The following SORCS2 variants were observed in gnomAD, a reference collection of about 807,000 sequenced individuals.
The protein encoded by SORCS2 is VPS10 domain-containing receptor SorCS2.
A neutral mutation model predicts 141.6 loss-of-function variants in SORCS2; 100 were observed. That is an observed-to-expected ratio of 0.71 (90% CI 0.60 to 0.83). The LOEUF is 0.83. Among genes scored for constraint, SORCS2 ranks in the 40% least tolerant of loss-of-function variants. The probability of loss-of-function intolerance (pLI) is 0.00; values close to 1 mark genes in which losing one functional copy is unlikely to be tolerated. For missense variants in SORCS2, 1,646 were observed against 1,560.2 expected (o/e 1.05, Z -0.93); for synonymous variants, 789 against 676.9 (o/e 1.17, Z -2.57).
intron 1 of SORCS2, among the ~76,000 whole-genome samples, chr4:7,334,518 G>A (rs992087181): frequency 6.6e-6 from 1 of 152,218 alleles, no homozygotes; most frequent in African/African-American, 2.4e-5. Flanking sequence ...CACCTGGGGG[G>A]TGCTCAGTGA....
At chr4:7,544,948 C>G (rs992342458) in intron 3 of SORCS2, among the ~76,000 whole-genome samples, 2 of 152,206 alleles carry the variant, frequency 1.3e-5, no homozygotes, top group South Asian at 4.1e-4. Context: ...CCATCCCTTC[C>G]AATCAGCGAT....
At chr4:7,317,886 A>G (rs1382351522) in intron 1 of SORCS2, among the ~76,000 whole-genome samples, 1 of 152,118 alleles carries the variant, frequency 6.6e-6, no homozygotes, top group Non-Finnish European at 1.5e-5. Flanking sequence ...AGGCCCATTG[A>G]ACGCTGAGCA....
At chr4:7,417,949 A>G (rs974449208) in intron 2 of SORCS2, among the ~76,000 whole-genome samples, 4 of 152,178 alleles carry the variant, frequency 2.6e-5, no homozygotes, top group African/African-American at 7.2e-5. Flanking sequence ...GAGCCAGCAG[A>G]AGGCTAGAGG....
intron 3 of SORCS2, 79 bp downstream of exon 3, chr4:7,531,708 C>T (rs1577705966): frequency 1.4e-6 from 2 of 1,400,160 alleles, no homozygotes; most frequent in East Asian, 2.4e-5. Flanking sequence ...AAGCTGCTGC[C>T]CTGCCCTGCT....
intron 1 of SORCS2, among the ~76,000 whole-genome samples, chr4:7,339,125 A>G (rs554445386): frequency 2.0e-5 from 3 of 152,284 alleles, no homozygotes; most frequent in African/African-American, 7.2e-5. Context: ...GTGGCCCGTG[A>G]GGGTGGGGAC....
intron 3 of SORCS2, among the ~76,000 whole-genome samples, chr4:7,562,008 C>T (rs774559847): frequency 1.1e-4 from 16 of 152,354 alleles, no homozygotes; most frequent in East Asian, 3.9e-4. Context: ...TTCTAGAGGA[C>T]GTACTTGATC....
In SORCS2 at chr4:7,725,143, G is replaced by A; in HGVS notation, c.2612-11G>A. On this transcript the variant is annotated splice_polypyrimidine_tract_variant and intron_variant, in intron 19 of 26. Transcript: ENST00000507866. ...ATATCATCTAACCCTGGCCTTTTTG[G>A]GTCCCCACAGCCCCCCTGCAGGCCC... 6.2e-7 allele frequency: 1 copy of A among 1,610,308 alleles called. No individual in the cohort carries two copies. Among genetic ancestry groups the A allele is most frequent in the Non-Finnish European group, 8.5e-7 (1 of 1,178,346 alleles).
chr4:7,679,117 C>T (rs1299598611), intron 9 of SORCS2, among the ~76,000 whole-genome samples: 1 of 108,002 alleles, frequency 9.3e-6, no homozygotes, highest in Non-Finnish European at 2.0e-5. Context: ...GTGCACCCAG[C>T]AGCACATCCA....
intron 11 of SORCS2, among the ~76,000 whole-genome samples, chr4:7,693,267 T>C (rs767696790): frequency 5.3e-5 from 8 of 152,240 alleles, no homozygotes; most frequent in African/African-American, 1.4e-4. Context: ...CACTGAGTTA[T>C]ACCCTGTGAG....
At chr4:7,314,148 T>C (rs1201470148) in intron 1 of SORCS2, among the ~76,000 whole-genome samples, 2 of 151,992 alleles carry the variant, frequency 1.3e-5, no homozygotes, top group African/African-American at 4.8e-5. Context: ...CTCTGTGCCG[T>C]GCGGTGAGGG....
chr4:7,550,441 G>A (rs1377614358), intron 3 of SORCS2, among the ~76,000 whole-genome samples: 3 of 152,230 alleles, frequency 2.0e-5, no homozygotes, highest in African/African-American at 4.8e-5. Flanking sequence ...ACTGCTTTGT[G>A]TGGTGGGCAG....
In SORCS2 at chr4:7,308,638, C is replaced by G. The variant is rs538080511; in HGVS notation, c.481-87650C>G. Reference sequence around the variant, plus strand: ...ACCTCAGGGCAGTTCCTAAAGGTGCCCACTGGCCACCCACAGCTCCTTGCC... The same window carrying G: ...ACCTCAGGGCAGTTCCTAAAGGTGCGCACTGGCCACCCACAGCTCCTTGCC... On this transcript the variant is annotated intron_variant, in intron 1 of 26. Transcript: ENST00000507866. 1.2e-3 allele frequency among the ~76,000 whole-genome samples: 188 copies of G among 152,202 alleles called. 3 individuals are homozygous for G. Among genetic ancestry groups the G allele is most frequent in the Non-Finnish European group, 4.1e-4 (28 of 68,004 alleles).
intron 1 of SORCS2, among the ~76,000 whole-genome samples, chr4:7,307,924 G>A (rs560992354): frequency 2.7e-4 from 41 of 152,204 alleles, no homozygotes; most frequent in Non-Finnish European, 5.0e-4. Context: ...GTGTGCATGA[G>A]TGTGCATGCA....
chr4:7,722,710 A>T (rs1159409368), intron 18 of SORCS2, among the ~76,000 whole-genome samples: 5 of 152,236 alleles, frequency 3.3e-5, no homozygotes, highest in Non-Finnish European at 5.9e-5. Context: ...TTTCCAAATG[A>T]GGTCACATTC....
intron 12 of SORCS2, among the ~76,000 whole-genome samples, chr4:7,698,009 C>T (rs578193183): frequency 2.0e-4 from 30 of 152,056 alleles, no homozygotes; most frequent in Non-Finnish European, 3.4e-4. Flanking sequence ...GTGGAGAAAG[C>T]GAGGCTGAGG....
chr4:7,342,782 A>G (rs559510735), intron 1 of SORCS2, among the ~76,000 whole-genome samples: 31 of 152,332 alleles, frequency 2.0e-4, no homozygotes, highest in African/African-American at 7.2e-4. Flanking sequence ...GGCCGCTGGC[A>G]TGGGCGGTAA....
At chr4:7,582,046 A>T (rs953204152) in intron 3 of SORCS2, among the ~76,000 whole-genome samples, 1 of 152,234 alleles carries the variant, frequency 6.6e-6, no homozygotes, top group African/African-American at 2.4e-5. Context: ...AAAATAGTCT[A>T]TGATTTAGAT....
chr4:7,430,535 G>A (rs1726769038), intron 2 of SORCS2: 1 of 152,242 alleles, frequency 6.6e-6, no homozygotes, highest in African/African-American at 2.4e-5. Context: ...CCTTACGATG[G>A]CATCTGAAGA....
Position 7,286,352 on chromosome 4 carries a change from G to T in SORCS2, c.480+93226G>T, listed in dbSNP as rs2108868755. 6.6e-6 allele frequency among the ~76,000 whole-genome samples: 1 copy of T among 152,378 alleles called. No homozygotes were observed. Among genetic ancestry groups the T allele is most frequent in the South Asian group, 2.1e-4 (1 of 4,830 alleles). ...GGGAGCAGCGGAAGAGCCTGGGGTG[G>T]CTCTGGGGCTGGGTTGGGGAGCTAC... On this transcript the variant is annotated intron_variant, in intron 1 of 26. Transcript: ENST00000507866. The surrounding 1 kb of genome is among the most constrained non-coding windows in gnomAD (Gnocchi z 4.1).
Sources: allele counts gnomAD v4.1 joint callset (sites outside exome capture counted in the v4.1 genomes callset), GRCh38; gene constraint gnomAD v4.1.1; non-coding constraint Gnocchi (gnomAD v3.1); transcripts MANE v1.5; gene names NCBI Gene and HGNC (gene_info 2026-07-23, HGNC 2026-07-21).